Variants in NAV2 observed in about 807,000 individuals in gnomAD.
NAV2 encodes the protein neuron navigator 2, also known as helicase, APC down-regulated 1.
In NAV2, 54 loss-of-function variants were observed where a neutral mutation model predicts 223.2. That is an observed-to-expected ratio of 0.24 (90% CI 0.19 to 0.30). The LOEUF is 0.30. NAV2 is among the 10% of genes least tolerant of loss of function. The pLI, the probability that NAV2 is intolerant of heterozygous loss-of-function variation, is 1.00. For synonymous variants in NAV2, 1,279 were observed against 1,239.3 expected (o/e 1.03, Z -0.67); for missense variants, 2,806 against 3,147.5 (o/e 0.89, Z 2.60).
At chr11:19,947,775 A>T (rs1471256400) in intron 9 of NAV2, among the ~76,000 whole-genome samples, 1 of 152,210 alleles carries the variant, frequency 6.6e-6, no homozygotes, top group Admixed American at 6.5e-5. Flanking sequence ...TGAAGAGGGA[A>T]CTCAAGCCCA....
intron 1 of NAV2, among the ~76,000 whole-genome samples, chr11:19,458,270 T>A (rs1226776202): frequency 6.6e-6 from 1 of 152,198 alleles, no homozygotes; most frequent in Non-Finnish European, 1.5e-5. Context: ...TAGGCAGTGC[T>A]TGTGCTGGGT....
intron 11 of NAV2, among the ~76,000 whole-genome samples, chr11:19,999,222 A>G (rs1223349920): frequency 6.6e-6 from 1 of 152,196 alleles, no homozygotes; most frequent in South Asian, 2.1e-4. Flanking sequence ...TGTGGCACAC[A>G]GTGAACCCAC....
chr11:19,796,033 A>C (rs564329073), intron 1 of NAV2, among the ~76,000 whole-genome samples: 2 of 152,334 alleles, frequency 1.3e-5, no homozygotes, highest in South Asian at 4.2e-4. Flanking sequence ...GCTAAGCACT[A>C]AACTGCATAT....
chr11:19,430,050 T>G (rs759242009), intron 1 of NAV2, among the ~76,000 whole-genome samples: 2 of 152,214 alleles, frequency 1.3e-5, no homozygotes, highest in African/African-American at 2.4e-5. Context: ...AGCTCAAACC[T>G]GGTCTAGAGT....
rs1276673406 is a variant in NAV2 at position 19,714,409 on chromosome 11, A to G, written c.267+447A>G. The stretch of plus-strand genomic sequence containing the variant: ...GGCCCCATTGGGTTCGACGCCCCCT[A>G]GCCTGGCTGTAAGATCCAGGAAGAA... On this transcript the variant is annotated intron_variant, in intron 1 of 37. Transcript: ENST00000349880. 2.0e-5 allele frequency: 9 copies of G among 460,890 alleles called. 1 individual carries two copies. The highest frequency in any genetic ancestry group is 3.9e-5 in the Non-Finnish European group (9 of 230,396). 28.6% of individuals were successfully genotyped at this position (460,890 alleles called of 1,614,324 possible).
intron 1 of NAV2, among the ~76,000 whole-genome samples, chr11:19,644,809 G>A (rs2047770277): frequency 6.6e-6 from 1 of 152,210 alleles, no homozygotes; most frequent in African/African-American, 2.4e-5. Context: ...CAGCAGGCCA[G>A]GGCAGAAAAA....
chr11:19,834,270 C>A (rs576345547), intron 2 of NAV2, among the ~76,000 whole-genome samples: 3 of 152,332 alleles, frequency 2.0e-5, no homozygotes, highest in Admixed American at 2.0e-4. Context: ...GTATTCTCTC[C>A]ATTTTACAGA....
Position 20,114,855 on chromosome 11 carries a change from A to G in NAV2, c.7164+60A>G, listed in dbSNP as rs546024136. The G allele has an allele frequency of 2.5e-5, 37 of 1,489,798 alleles. No homozygotes were observed. In the African/African-American group the frequency reaches 2.8e-4, roughly 11 times the overall value. 92.3% of individuals were successfully genotyped at this position (1,489,798 alleles called of 1,614,324 possible). A position where few individuals can be genotyped will look rare whatever the true frequency, so the allele number is the denominator to read the frequency against. ...CTTTAGCACTTACTGTGTGTTGGGT[A>G]TGATGCAGAGCCTCTGGAAATACAA... On this transcript the variant is annotated intron_variant, in intron 37 of 37. Coordinates refer to ENST00000349880, the MANE Select transcript of NAV2 (RefSeq NM_145117.5).
Position 19,454,148 on chromosome 11 carries a change from G to C in NAV2, c.75+103121G>C, listed in dbSNP as rs554463745. ...TGATTCAGAGCACTGAGAGGTGAAG[G>C]CTGGGTCAGACTGCAAGTCCCAAGT... On this transcript the variant is annotated intron_variant, in intron 1 of 37. Transcript: ENST00000360655. Among the ~76,000 whole-genome samples, 398 of 152,324 alleles carry C rather than the reference G, an allele frequency of 2.6e-3. 2 individuals carry two copies. The highest frequency in any genetic ancestry group is 9.3e-3 in the African/African-American group (387 of 41,582).
chr11:19,762,611 CTTTTTTTTTTT>C (rs35264238), intron 1 of NAV2, among the ~76,000 whole-genome samples: 1 of 109,542 alleles, frequency 9.1e-6, no homozygotes, highest in African/African-American at 3.7e-5. Flanking sequence ...GAGAAGTCTT[CTTTTTTTTTTT>C]TTTTTTTTTT....
intron 1 of NAV2, among the ~76,000 whole-genome samples, chr11:19,514,734 T>G (rs1184446974): frequency 6.6e-6 from 1 of 152,158 alleles, no homozygotes; most frequent in Non-Finnish European, 1.5e-5. Context: ...CTGATTTACT[T>G]CATGTTCTCT....
chr11:19,553,619 C>T (rs1188166658), intron 1 of NAV2, among the ~76,000 whole-genome samples: 1 of 152,244 alleles, frequency 6.6e-6, no homozygotes, highest in Non-Finnish European at 1.5e-5. Context: ...TGCGGGTGGC[C>T]TCAGGCTGGT....
Position 19,949,205 on chromosome 11 carries a change from C to G in NAV2, c.2645+125C>G, listed in dbSNP as rs1197603751. On this transcript the variant is annotated intron_variant, in intron 10 of 37. Transcript: ENST00000349880. Reference sequence around the variant, plus strand: ...ACTGCCCACCTGAGTTTCTGCTGTCCATATCAAAGGCTGTGTGACATGGAG... The same window carrying G: ...ACTGCCCACCTGAGTTTCTGCTGTCGATATCAAAGGCTGTGTGACATGGAG... 6.6e-6 allele frequency: 7 copies of G among 1,064,566 alleles called. No individual in the cohort carries two copies. In the African/African-American group the frequency reaches 8.0e-5, roughly 12 times the overall value. The allele number at this position is 1,064,566 out of a possible 1,614,324, so 65.9% of individuals were successfully genotyped here.
intron 1 of NAV2, among the ~76,000 whole-genome samples, chr11:19,626,865 A>C (rs1234033993): frequency 6.6e-6 from 1 of 152,194 alleles, no homozygotes; most frequent in Non-Finnish European, 1.5e-5. Flanking sequence ...TAGGAAAGTG[A>C]CTTAAGCTTC....
At position 19,605,660 on chromosome 11, in the gene NAV2, G is replaced by T. The variant is rs549317372; in HGVS notation, c.76-226824G>T. Reference sequence around the variant, plus strand: ...GAGGGTAGACACAGGCCTCCACAAAGCCTTCCTGGCATAGGCAGCCGCACT... The same window carrying T: ...GAGGGTAGACACAGGCCTCCACAAATCCTTCCTGGCATAGGCAGCCGCACT... On this transcript the variant is annotated intron_variant, in intron 1 of 37. Transcript: ENST00000360655. Among the ~76,000 whole-genome samples, 21 of 152,230 alleles carry T rather than the reference G, an allele frequency of 1.4e-4. No individual in the cohort carries two copies. In the South Asian group the frequency reaches 4.4e-3, roughly 32 times the overall value.
intron 10 of NAV2, among the ~76,000 whole-genome samples, chr11:19,972,117 CTG>C (rs1411057359): frequency 1.3e-5 from 2 of 152,206 alleles, no homozygotes; most frequent in East Asian, 3.9e-4. Flanking sequence ...TTCAGAATCA[CTG>C]TATCTTTAAT....
intron 1 of NAV2, among the ~76,000 whole-genome samples, chr11:19,802,711 C>CAAAA (rs35777344): frequency 0.02 from 2,302 of 116,676 alleles, 57 homozygotes; most frequent in African/African-American, 0.059. Context: ...CCCTGTCTCT[C>CAAAA]AAAAAAAAAA....
intron 1 of NAV2, among the ~76,000 whole-genome samples, chr11:19,456,321 T>A (rs56101035): frequency 6.6e-6 from 1 of 152,150 alleles, no homozygotes; most frequent in Non-Finnish European, 1.5e-5. Context: ...GCACAGTCAC[T>A]GTTTCATTGA....
At chr11:19,528,475 A>G (rs917032988) in intron 1 of NAV2, among the ~76,000 whole-genome samples, 1 of 152,062 alleles carries the variant, frequency 6.6e-6, no homozygotes, top group South Asian at 2.1e-4. Flanking sequence ...ACTTCCAAAG[A>G]CCTGAAACCC....
Sources: allele counts gnomAD v4.1 joint callset (sites outside exome capture counted in the v4.1 genomes callset), GRCh38; gene constraint gnomAD v4.1.1; transcripts MANE v1.5; gene names NCBI Gene and HGNC (gene_info 2026-07-23, HGNC 2026-07-21).